Variants in ROBO3 observed in about 807,000 individuals in gnomAD.
ROBO3 encodes roundabout guidance receptor 3, also known as roundabout homolog 3.
In ROBO3, 97 loss-of-function variants were observed where a neutral mutation model predicts 160.5. The ratio of observed to expected loss-of-function variants is 0.60; its 90% CI spans 0.51 to 0.72. The LOEUF (loss-of-function observed/expected upper bound fraction) is 0.72, where lower values mean the gene tolerates loss of function less well. Among genes scored for constraint, ROBO3 ranks in the 30% least tolerant of loss-of-function variants. The pLI is 0.00. For missense variants in ROBO3, 1,858 were observed against 1,846.5 expected (o/e 1.01, Z -0.11); for synonymous variants, 780 against 746.2 (o/e 1.05, Z -0.74).
chr11:124,868,812 A>G lies in ROBO3; in HGVS notation c.171A>G (p.Val57=). 1 of 1,608,976 alleles carries G rather than the reference A, an allele frequency of 6.2e-7. No homozygotes were observed. The highest frequency in any genetic ancestry group is 1.1e-5 in the South Asian group (1 of 89,786). The stretch of plus-strand genomic sequence containing the variant: ...ACCCCCTGTCCCCAGGGTCAAGGGT[A>G]GGACCGGAGGACGCTATGCCCCGCA... ...PGDPSLNGSR[V]GPEDAMPRIV... is the part of the protein sequence containing the mutation. The change falls in exon 2 of 28, where the codon GTA becomes GTG. Residue 57 remains valine (V), a synonymous_variant. Coordinates refer to ENST00000397801, the MANE Select transcript of ROBO3 (RefSeq NM_022370.4).
At position 124,878,411 on chromosome 11, in the gene ROBO3, G is replaced by T. The variant is rs774681640; in HGVS notation, c.3295G>T (p.Gly1099Trp). 1 of 1,613,886 alleles carries T rather than the reference G, an allele frequency of 6.2e-7. No individual in the cohort carries two copies. Among genetic ancestry groups the T allele is most frequent in the Non-Finnish European group, 8.5e-7 (1 of 1,179,828 alleles). Residue 1099 changes from glycine (G) to tryptophan (W), a missense_variant, in exon 22 of 28, where the codon GGG (glycine) becomes TGG (tryptophan). Physicochemically the swap from Gly to Trp is radical, Grantham distance 184. Coordinates refer to ENST00000397801, the MANE Select transcript of ROBO3 (RefSeq NM_022370.4). This position sits in a 1 kb window ranked among gnomAD's most constrained non-coding sequence, Gnocchi z 4.3. ...TTCTTGTGAACTGAGCTGCCTAGAA[G>T]GGCCGGAGGAGGAGCTGGAGGGCAG... ...PPSCELSCLE[G>W]PEEELEGSSE...
Position 124,878,922 on chromosome 11 carries a change from C to G in ROBO3, c.3533+126C>G. 2.2e-6 allele frequency: 2 copies of G among 897,668 alleles called. No individual in the cohort carries two copies. Among genetic ancestry groups the G allele is most frequent in the Non-Finnish European group, 3.4e-6 (2 of 588,508 alleles). 55.6% of individuals were successfully genotyped at this position (897,668 alleles called of 1,614,324 possible). ...GGGTACAGAGGTCTCAGGGCTGTGT[C>G]AGGGTGGAAGTGTAATTTGGGCAGG... On this transcript the variant is annotated intron_variant, in intron 23 of 27. Coordinates refer to ENST00000397801, the MANE Select transcript of ROBO3 (RefSeq NM_022370.4). This position sits in a 1 kb window ranked among gnomAD's most constrained non-coding sequence, Gnocchi z 4.3.
At chr11:124,870,823 G>A in intron 6 of ROBO3, 95 bp downstream of exon 6, 1 of 1,554,756 alleles carries the variant, frequency 6.4e-7, no homozygotes, top group Non-Finnish European at 8.7e-7. Flanking sequence ...GGCAGAGAAG[G>A]GCATGTGGAT....
At chr11:124,868,365 G>C (rs1946230209) in intron 1 of ROBO3, 1 of 361,560 alleles carries the variant, frequency 2.8e-6, no homozygotes, top group Non-Finnish European at 5.1e-6. Context: ...CAAACTGTTG[G>C]CTCCAGTGCA....
rs1173818521 is a variant in ROBO3, at chr11:124,869,416, C to G, written c.488-34C>G. 4 of 1,517,566 alleles carry G rather than the reference C, an allele frequency of 2.6e-6. 1 individual carries two copies. In the South Asian group the frequency reaches 4.8e-5, roughly 18 times the overall value. 94.0% of individuals were successfully genotyped at this position (1,517,566 alleles called of 1,614,324 possible). A position where few individuals can be genotyped will look rare whatever the true frequency, so the allele number is the denominator to read the frequency against. ...CCTCAGCCAGTTATGTCACTCTACA[C>G]CCTGCTTATTTCGCCCCCCACCGCC... On this transcript the variant is annotated intron_variant, in intron 2 of 27. Coordinates refer to ENST00000397801, the MANE Select transcript of ROBO3 (RefSeq NM_022370.4). This position sits in a 1 kb window ranked among gnomAD's most constrained non-coding sequence, Gnocchi z 4.2.
chr11:124,868,814 G>A lies in ROBO3; in HGVS notation c.173G>A (p.Gly58Glu). The A allele has an allele frequency of 6.2e-7, 1 of 1,609,172 alleles. No individual in the cohort carries two copies. Among genetic ancestry groups the A allele is most frequent in the Non-Finnish European group, 8.5e-7 (1 of 1,178,292 alleles). The change falls in exon 2 of 28, where the codon GGA (glycine) becomes GAA (glutamate). Residue 58 changes from glycine (G) to glutamate (E), a missense_variant. By Grantham distance (98) the Gly-to-Glu change is moderately conservative. Transcript: ENST00000397801. ...CCCCTGTCCCCAGGGTCAAGGGTAG[G>A]ACCGGAGGACGCTATGCCCCGCATC... ...GDPSLNGSRV[G>E]PEDAMPRIVE...
intron 5 of ROBO3, 110 bp downstream of exon 5, chr11:124,870,413 G>C: frequency 1.3e-6 from 2 of 1,487,090 alleles, no homozygotes; most frequent in Non-Finnish European, 1.8e-6. Flanking sequence ...AGAGAAGTCT[G>C]TTCCCTAGAG....
chr11:124,876,384 C>A lies in ROBO3; in HGVS notation c.2703C>A (p.Cys901Ter). The part of the protein sequence containing the change: ...PAFLAGSGAA[C>*]GALLLGLCAA... The stretch of plus-strand genomic sequence containing the variant: ...TCCTCGCGGGCAGCGGCGCAGCCTG[C>A]GGGGCGCTGCTTCTCGGGCTCTGCG... Residue 901 changes from cysteine to a stop codon, truncating the protein, a stop_gained, in exon 17 of 28, where the codon TGC (cysteine) becomes TGA (stop). Transcript: ENST00000397801. LOFTEE classifies it high-confidence loss of function. This position sits in a 1 kb window ranked among gnomAD's most constrained non-coding sequence, Gnocchi z 5.3. 6.9e-7 allele frequency: 1 copy of A among 1,444,978 alleles called. No homozygotes were observed. The highest frequency in any genetic ancestry group is 1.4e-5 in the South Asian group (1 of 71,172). The allele number at this position is 1,444,978 out of a possible 1,614,324, so 89.5% of individuals were successfully genotyped here. A position where few individuals can be genotyped will look rare whatever the true frequency, so the allele number is the denominator to read the frequency against.
intron 1 of ROBO3, among the ~76,000 whole-genome samples, chr11:124,867,766 G>A (rs893658568): frequency 1.1e-4 from 17 of 150,528 alleles, no homozygotes; most frequent in African/African-American, 4.2e-4. Flanking sequence ...TGCAGATTTT[G>A]GAACAGGGTA....
chr11:124,870,871 G>A (rs1161350995), intron 6 of ROBO3, 143 bp downstream of exon 6: 1 of 1,516,932 alleles, frequency 6.6e-7, no homozygotes, highest in Non-Finnish European at 9.0e-7. Flanking sequence ...GGGAGGAGGA[G>A]AACACTAAAC....
In ROBO3 at chr11:124,872,639, C is replaced by T. The variant is rs111645211; in HGVS notation, c.1330+87C>T. 1.5e-5 allele frequency: 20 copies of T among 1,337,122 alleles called. No homozygotes were observed. In the African/African-American group the frequency reaches 1.9e-4, roughly 13 times the overall value. 82.8% of individuals were successfully genotyped at this position (1,337,122 alleles called of 1,614,324 possible). ...ATGTGTTTCTCTTGGAGTCTATATA[C>T]TATGTCTGCAAGAGGAGAGATGTGT... On this transcript the variant is annotated intron_variant, in intron 8 of 27. Coordinates refer to ENST00000397801, the MANE Select transcript of ROBO3 (RefSeq NM_022370.4). The surrounding 1 kb of genome is among the most constrained non-coding windows in gnomAD (Gnocchi z 4.3).
At position 124,869,385 on chromosome 11, in the gene ROBO3, C is replaced by A; in HGVS notation, c.488-65C>A. The A allele has an allele frequency of 7.1e-7, 1 of 1,405,676 alleles. No individual in the cohort carries two copies. The highest frequency in any genetic ancestry group is 1.2e-5 in the South Asian group (1 of 81,714). The allele number at this position is 1,405,676 out of a possible 1,614,324, so 87.1% of individuals were successfully genotyped here. On this transcript the variant is annotated intron_variant, in intron 2 of 27. Coordinates refer to ENST00000397801, the MANE Select transcript of ROBO3 (RefSeq NM_022370.4). This position sits in a 1 kb window ranked among gnomAD's most constrained non-coding sequence, Gnocchi z 4.2. ...ACCCCTTCCCAAGACAACACTTTCC[C>A]TGTGTCCTCAGCCAGTTATGTCACT...
In ROBO3 at chr11:124,873,914, T is replaced by C. The variant is rs1372281519; in HGVS notation, c.1784+52T>C. 5 of 1,604,730 alleles carry C rather than the reference T, an allele frequency of 3.1e-6. No individual in the cohort carries two copies. The highest frequency in any genetic ancestry group is 1.7e-5 in the Admixed American group (1 of 59,664). The stretch of plus-strand genomic sequence containing the variant: ...CTGGAGAGTTAAAAGGAGGGGATCC[T>C]ATGCCCTTAGGGTCTTTGCTATTGT... On this transcript the variant is annotated intron_variant, in intron 11 of 27. Transcript: ENST00000397801. The surrounding 1 kb of genome is among the most constrained non-coding windows in gnomAD (Gnocchi z 4.5).
chr11:124,880,415 C>T lies in ROBO3; in HGVS notation c.3959-3C>T, dbSNP rs371069335. The T allele has an allele frequency of 2.5e-6, 4 of 1,613,144 alleles. No individual in the cohort carries two copies. Among genetic ancestry groups the T allele is most frequent in the Non-Finnish European group, 2.5e-6 (3 of 1,179,598 alleles). On this transcript the variant is annotated splice_region_variant and splice_polypyrimidine_tract_variant and intron_variant, in intron 26 of 27. Coordinates refer to ENST00000397801, the MANE Select transcript of ROBO3 (RefSeq NM_022370.4). ...CTGGCTACCCTTCCCTCTTGTGCTGCAGAAGAGGCCTGGCTCCCATACAGC... is the reference window on the plus strand; with the variant it reads ...CTGGCTACCCTTCCCTCTTGTGCTGTAGAAGAGGCCTGGCTCCCATACAGC...
At position 124,876,701 on chromosome 11, in the gene ROBO3, A is replaced by G; in HGVS notation, c.2779+241A>G. 1 of 372,994 alleles carries G rather than the reference A, an allele frequency of 2.7e-6. No homozygotes were observed. The highest frequency in any genetic ancestry group is 4.8e-6 in the Non-Finnish European group (1 of 208,704). The allele number at this position is 372,994 out of a possible 1,614,324, so 23.1% of individuals were successfully genotyped here. ...TGACGTTTGCCTCTAAGACGCCACG[A>G]GGAGGCCAGGCTTTGCAACCATCTC... On this transcript the variant is annotated intron_variant, in intron 17 of 27. Transcript: ENST00000397801. The surrounding 1 kb of genome is among the most constrained non-coding windows in gnomAD (Gnocchi z 5.3).
intron 20 of ROBO3, 84 bp downstream of exon 20, chr11:124,877,742 GTC>G: frequency 6.5e-7 from 1 of 1,534,160 alleles, no homozygotes; most frequent in Non-Finnish European, 8.9e-7. Context: ...CGGGAGCCCG[GTC>G]TCTCTGAGGT....
rs1271444914 is a variant in ROBO3, at chr11:124,865,925, G to A, written c.160+188G>A. The stretch of plus-strand genomic sequence containing the variant: ...GAGCACATGAGTGGGGGTACCCGCG[G>A]GAGGTCGAGGGCTTGGGAGAAGATG... On this transcript the variant is annotated intron_variant, in intron 1 of 27. Coordinates refer to ENST00000397801, the MANE Select transcript of ROBO3 (RefSeq NM_022370.4). This position sits in a 1 kb window ranked among gnomAD's most constrained non-coding sequence, Gnocchi z 5.5. Among the ~76,000 whole-genome samples the A allele has an allele frequency of 6.6e-6, 1 of 152,252 alleles. No homozygotes were observed. The highest frequency in any genetic ancestry group is 2.4e-5 in the African/African-American group (1 of 41,472).
chr11:124,879,500 C>G lies in ROBO3; in HGVS notation c.3721C>G (p.Pro1241Ala), dbSNP rs1273921374. 1.2e-6 allele frequency: 2 copies of G among 1,613,804 alleles called. No individual in the cohort carries two copies. Among genetic ancestry groups the G allele is most frequent in the African/African-American group, 2.7e-5 (2 of 74,922 alleles). The part of the protein sequence containing the change: ...TWQGNGEMTP[P>A]LQGPRARFRK... ...GCAGGGGAATGGGGAGATGACTCCC[C>G]CACTTCAAGGACCCCGTGCTCGATT... The change falls in exon 25 of 28, where the codon CCA becomes GCA. Residue 1241 changes from proline (P) to alanine (A), a missense_variant. Coordinates refer to ENST00000397801, the MANE Select transcript of ROBO3 (RefSeq NM_022370.4).
At position 124,869,337 on chromosome 11, in the gene ROBO3, C is replaced by G; in HGVS notation, c.488-113C>G. 8.5e-7 allele frequency: 1 copy of G among 1,172,140 alleles called. No individual in the cohort carries two copies. The highest frequency in any genetic ancestry group is 1.2e-6 in the Non-Finnish European group (1 of 804,210). The allele number at this position is 1,172,140 out of a possible 1,614,324, so 72.6% of individuals were successfully genotyped here. On this transcript the variant is annotated intron_variant, in intron 2 of 27. Transcript: ENST00000397801. This position sits in a 1 kb window ranked among gnomAD's most constrained non-coding sequence, Gnocchi z 4.2. ...AGGCTGATATTTTCTCACCTGGGAA[C>G]GAATTCCAGTCTGCAGCGATCAACC... is the stretch of plus-strand genomic sequence containing the variant.
Sources: gnomAD v4.1 joint callset for allele counts (sites outside exome capture counted in the v4.1 genomes callset) on GRCh38, gnomAD v4.1.1 for gene constraint, Gnocchi (gnomAD v3.1) non-coding constraint, MANE v1.5 for transcripts, NCBI Gene and HGNC (gene_info 2026-07-23, HGNC 2026-07-21) for gene names.